Variants in CHST12 observed in about 807,000 individuals in gnomAD.
The protein encoded by CHST12 is carbohydrate sulfotransferase 12, also known as carbohydrate (chondroitin 4) sulfotransferase 12.
CHST12 carries 23 observed loss-of-function variants against 27.9 expected under a neutral mutation model. The ratio of observed to expected loss-of-function variants is 0.82; its 90% confidence interval spans 0.59 to 1.17. The LOEUF (loss-of-function observed/expected upper bound fraction) is 1.17. Ranked by LOEUF, CHST12 falls within the 50% of genes most tolerant of loss-of-function variation. The probability of loss-of-function intolerance (pLI) is 0.00; values close to 1 mark genes in which losing one functional copy is unlikely to be tolerated. For synonymous variants in CHST12, 322 were observed against 273.0 expected, an observed-to-expected ratio of 1.18 and a Z score of -1.77; for missense variants, 682 against 603.0, an observed-to-expected ratio of 1.13 and a Z score of -1.37.
In CHST12 at chr7:2,444,866, G is replaced by A. The variant is rs1179531784; in HGVS notation, c.*10982G>A. 6.6e-6 allele frequency: 1 copy of A among 152,184 alleles called. No individual in the cohort carries two copies. The highest frequency in any genetic ancestry group is 1.5e-5 in the Non-Finnish European group (1 of 68,040). 9.4% of individuals were successfully genotyped at this position (152,184 alleles called of 1,614,324 possible). A position where few individuals can be genotyped will look rare whatever the true frequency, so the allele number is the denominator to read the frequency against. On this transcript the variant is annotated 3_prime_UTR_variant, in exon 2 of 2. Transcript: ENST00000618655. ...TGAGGTTCTTCCCAGGAAAATTATA[G>A]TGGGAACTCTGGCTTTGATGAAACT...
At chr7:2,403,481 G>A (rs1781435249), upstream of CHST12, 1 of 151,998 alleles carries the variant, frequency 6.6e-6, no homozygotes, top group Non-Finnish European at 1.5e-5. Context: ...GCGCAGGCGC[G>A]CTGAGGGCGG....
intron 1 of CHST12, among the ~76,000 whole-genome samples, chr7:2,424,126 G>C (rs1045350812): frequency 6.6e-6 from 1 of 152,100 alleles, no homozygotes; most frequent in Non-Finnish European, 1.5e-5. Flanking sequence ...GGCCATGGTG[G>C]GAGGATCACC....
At chr7:2,418,505 C>T (rs1214656734) in intron 1 of CHST12, among the ~76,000 whole-genome samples, 3 of 152,232 alleles carry the variant, frequency 2.0e-5, no homozygotes, top group African/African-American at 7.2e-5. Context: ...TGCTCTGCTT[C>T]AAATCACAGG....
intron 1 of CHST12, among the ~76,000 whole-genome samples, chr7:2,411,483 C>G (rs1201496207): frequency 3.4e-5 from 3 of 87,014 alleles, no homozygotes; most frequent in Non-Finnish European, 6.3e-5. Context: ...TTTGAGTTAA[C>G]TTAACTCTTT....
Position 2,434,117 on chromosome 7 carries a change from C to A in CHST12, c.*233C>A, listed in dbSNP as rs536255692. ...CCTCTCCCCTCCGCCCGCCCACCCG[C>A]CCGCCCGCTCGCCCGCTCGCCCGCT... On this transcript the variant is annotated 3_prime_UTR_variant, in exon 2 of 2. Transcript: ENST00000618655. The A allele has an allele frequency of 0.031, 11,907 of 386,166 alleles. 319 individuals carry two copies. Among genetic ancestry groups the A allele is most frequent in the Admixed American group, 0.07 (1,594 of 22,886 alleles). The allele number at this position is 386,166 out of a possible 1,614,324, so 23.9% of individuals were successfully genotyped here.
Position 2,434,118 on chromosome 7 carries a change from C to CCGCCCACCCGCCCGCCCGCT in CHST12, c.*239_*240insACCCGCCCGCCCGCTCGCCC. 2.8e-6 allele frequency: 1 copy of CCGCCCACCCGCCCGCCCGCT among 353,530 alleles called. No homozygotes were observed. Among genetic ancestry groups the CCGCCCACCCGCCCGCCCGCT allele is most frequent in the South Asian group, 5.6e-5 (1 of 17,736 alleles). 21.9% of individuals were successfully genotyped at this position (353,530 alleles called of 1,614,324 possible). A position where few individuals can be genotyped will look rare whatever the true frequency, so the allele number is the denominator to read the frequency against. On this transcript the variant is annotated 3_prime_UTR_variant, in exon 2 of 2. Transcript: ENST00000618655. ...CTCTCCCCTCCGCCCGCCCACCCGC[C>CCGCCCACCCGCCCGCCCGCT]CGCCCGCTCGCCCGCTCGCCCGCTC...
chr7:2,422,130 C>G (rs901414547), intron 1 of CHST12, among the ~76,000 whole-genome samples: 2 of 152,144 alleles, frequency 1.3e-5, no homozygotes, highest in African/African-American at 4.8e-5. Context: ...CCTATGTCGG[C>G]GATGTGACTG....
chr7:2,403,474 C>T (rs2115369706), upstream of CHST12: 1 of 151,884 alleles, frequency 6.6e-6, no homozygotes, highest in South Asian at 1.8e-4. Context: ...TGGCCGGGCG[C>T]AGGCGCGCTG....
intron 1 of CHST12, among the ~76,000 whole-genome samples, chr7:2,413,746 T>TG (rs1220399276): frequency 1.4e-5 from 2 of 146,878 alleles, no homozygotes; most frequent in Non-Finnish European, 3.0e-5. Flanking sequence ...TTTTTTTTTT[T>TG]GAGACAGAGT....
chr7:2,444,082 A>G lies in CHST12; in HGVS notation c.*10198A>G, dbSNP rs1441957616. 1 of 151,604 alleles carries G rather than the reference A, an allele frequency of 6.6e-6. No homozygotes were observed. The highest frequency in any genetic ancestry group is 2.4e-5 in the African/African-American group (1 of 41,270). The allele number at this position is 151,604 out of a possible 1,614,324, so 9.4% of individuals were successfully genotyped here. A position where few individuals can be genotyped will look rare whatever the true frequency, so the allele number is the denominator to read the frequency against. On this transcript the variant is annotated 3_prime_UTR_variant, in exon 2 of 2. Transcript: ENST00000618655. ...GGCGGATCACGAGGTCAGGAGATCG[A>G]GACCATCCCGGCTAAAACGGTGAAA...
At chr7:2,419,708 A>C (rs1331707452) in intron 1 of CHST12, among the ~76,000 whole-genome samples, 1 of 78,390 alleles carries the variant, frequency 1.3e-5, no homozygotes, top group Admixed American at 1.3e-4. Context: ...ACTCCGTCTC[A>C]AAAAAAAAAA....
At chr7:2,427,756 G>A (rs1782164047) in intron 1 of CHST12, among the ~76,000 whole-genome samples, 1 of 152,114 alleles carries the variant, frequency 6.6e-6, no homozygotes, top group African/African-American at 2.4e-5. Flanking sequence ...TAGATTACAT[G>A]GTTGATTTTT....
rs1355118183 is a variant in CHST12 at position 2,439,145 on chromosome 7, C to T, written c.*5261C>T. ...ATTTCTAGCGTTTCACATACAGGATCTAGACTCGCACACAACTGCATTAAT... is the reference window on the plus strand; with the variant it reads ...ATTTCTAGCGTTTCACATACAGGATTTAGACTCGCACACAACTGCATTAAT... On this transcript the variant is annotated 3_prime_UTR_variant, in exon 2 of 2. Coordinates refer to ENST00000618655, the MANE Select transcript of CHST12 (RefSeq NM_018641.5). The T allele has an allele frequency of 6.6e-6, 1 of 152,182 alleles. No homozygotes were observed. The highest frequency in any genetic ancestry group is 1.5e-5 in the Non-Finnish European group (1 of 68,038). The allele number at this position is 152,182 out of a possible 1,614,324, so 9.4% of individuals were successfully genotyped here.
rs1335386345 is a variant in CHST12 at position 2,444,255 on chromosome 7, G to T, written c.*10371G>T. The T allele has an allele frequency of 7.5e-5, 10 of 134,004 alleles. No homozygotes were observed. The highest frequency in any genetic ancestry group is 2.9e-4 in the African/African-American group (10 of 34,432). 8.3% of individuals were successfully genotyped at this position (134,004 alleles called of 1,614,324 possible). A position where few individuals can be genotyped will look rare whatever the true frequency, so the allele number is the denominator to read the frequency against. ...GCCGAGATCCCGCCACTGCACTCCA[G>T]CCTGGGCGACAGAGCGAGACTCCGT... On this transcript the variant is annotated 3_prime_UTR_variant, in exon 2 of 2. Coordinates refer to ENST00000618655, the MANE Select transcript of CHST12 (RefSeq NM_018641.5).
At chr7:2,428,961 T>C (rs996796491) in intron 1 of CHST12, among the ~76,000 whole-genome samples, 1 of 152,188 alleles carries the variant, frequency 6.6e-6, no homozygotes, top group Non-Finnish European at 1.5e-5. Flanking sequence ...ATCTTATCCA[T>C]ATGGACAGGC....
chr7:2,440,048 G>C lies in CHST12; in HGVS notation c.*6164G>C, dbSNP rs1192148446. ...ATAATTTCTCAGTGCATCTCTGATG[G>C]GGAGGCTAATGAAGAAAGGACACCT... On this transcript the variant is annotated 3_prime_UTR_variant, in exon 2 of 2. Transcript: ENST00000618655. The C allele has an allele frequency of 1.3e-5, 2 of 152,182 alleles. No homozygotes were observed. The highest frequency in any genetic ancestry group is 2.4e-5 in the African/African-American group (1 of 41,434). The allele number at this position is 152,182 out of a possible 1,614,324, so 9.4% of individuals were successfully genotyped here. A position where few individuals can be genotyped will look rare whatever the true frequency, so the allele number is the denominator to read the frequency against.
At position 2,437,586 on chromosome 7, in the gene CHST12, T is replaced by A. The variant is rs1305903781; in HGVS notation, c.*3702T>A. On this transcript the variant is annotated 3_prime_UTR_variant, in exon 2 of 2. Coordinates refer to ENST00000618655, the MANE Select transcript of CHST12 (RefSeq NM_018641.5). ...TTTCAGGTTTGGTTTTGGCCCTATGTCTTGATGGAGGGCAAGGGTTAGGAT... is the reference window on the plus strand; with the variant it reads ...TTTCAGGTTTGGTTTTGGCCCTATGACTTGATGGAGGGCAAGGGTTAGGAT... 6.6e-6 allele frequency: 1 copy of A among 152,246 alleles called. No individual in the cohort carries two copies. The allele number at this position is 152,246 out of a possible 1,614,324, so 9.4% of individuals were successfully genotyped here. A position where few individuals can be genotyped will look rare whatever the true frequency, so the allele number is the denominator to read the frequency against.
chr7:2,426,028 G>T (rs1171410728), intron 1 of CHST12, among the ~76,000 whole-genome samples: 4 of 152,100 alleles, frequency 2.6e-5, no homozygotes, highest in Non-Finnish European at 2.9e-5. Flanking sequence ...CGCTAGATCA[G>T]CAGGGGACCT....
intron 1 of CHST12, among the ~76,000 whole-genome samples, chr7:2,425,181 G>C (rs1782077416): frequency 6.9e-6 from 1 of 145,742 alleles, no homozygotes; most frequent in Admixed American, 6.9e-5. Flanking sequence ...CTCCAGCCTG[G>C]TGACAGAGCA....
Sources: allele counts gnomAD v4.1 joint callset (sites outside exome capture counted in the v4.1 genomes callset), GRCh38; gene constraint gnomAD v4.1.1; transcripts MANE v1.5; gene names NCBI Gene and HGNC (gene_info 2026-07-23, HGNC 2026-07-21).